CHN2: variants seen among roughly 807,000 people sequenced by gnomAD.
The protein encoded by CHN2 is chimerin 2.
CHN2 carries 35 observed loss-of-function variants against 56.3 expected under a neutral mutation model. The ratio of observed to expected loss-of-function variants is 0.62; its 90% CI spans 0.47 to 0.82. The LOEUF (loss-of-function observed/expected upper bound fraction) is 0.82. Ranked by LOEUF, CHN2 falls within the 40% of genes least tolerant of loss-of-function variation. The pLI is 0.00. For missense variants in CHN2, 491 were observed against 580.5 expected (o/e 0.85, Z 1.58); for synonymous variants, 210 against 212.8 (o/e 0.99, Z 0.12).
chr7:29,290,040 A>G (rs1308853085), intron 1 of CHN2, among the ~76,000 whole-genome samples: 1 of 152,222 alleles, frequency 6.6e-6, no homozygotes, highest in Non-Finnish European at 1.5e-5. Flanking sequence ...TTGAAGTTCA[A>G]GGTATTAGAA....
At chr7:29,454,894 AT>A (rs1371345033) in intron 6 of CHN2, among the ~76,000 whole-genome samples, 2 of 152,306 alleles carry the variant, frequency 1.3e-5, no homozygotes, top group East Asian at 3.9e-4. Flanking sequence ...ACCTTAGTGC[AT>A]TTTTTAACTA....
chr7:29,181,113 G>A (rs1798011139), intron 2 of CHN2, among the ~76,000 whole-genome samples: 1 of 152,184 alleles, frequency 6.6e-6, no homozygotes, highest in Non-Finnish European at 1.5e-5. Context: ...GGGAATTTGT[G>A]TTTTAAAATA....
At chr7:29,511,026 CTG>C (rs1562680370) in intron 12 of CHN2, among the ~76,000 whole-genome samples, 2 of 152,170 alleles carry the variant, frequency 1.3e-5, no homozygotes, top group African/African-American at 4.8e-5. Context: ...CAGGGCACAT[CTG>C]TGTGCCTCTG....
chr7:29,352,454 G>A (rs1199008678), intron 1 of CHN2, among the ~76,000 whole-genome samples: 1 of 152,112 alleles, frequency 6.6e-6, no homozygotes, highest in Non-Finnish European at 1.5e-5. Context: ...GGGCACGGTG[G>A]CTCATGCCTG....
intron 2 of CHN2, among the ~76,000 whole-genome samples, chr7:29,151,790 A>G (rs940333379): frequency 2.6e-5 from 4 of 152,072 alleles, no homozygotes; most frequent in Non-Finnish European, 4.4e-5. Context: ...TAGCCTTCTC[A>G]TGTATGGGAA....
chr7:29,172,435 T>C (rs10486608), intron 2 of CHN2, among the ~76,000 whole-genome samples: 18,305 of 152,184 alleles, frequency 0.12, 1,256 homozygotes, highest in East Asian at 0.24. Context: ...CTCTGTCTCA[T>C]CTATCATCAT....
intron 5 of CHN2, among the ~76,000 whole-genome samples, chr7:29,399,179 A>G (rs1802005046): frequency 6.6e-6 from 1 of 152,144 alleles, no homozygotes; most frequent in Admixed American, 6.5e-5. Context: ...CTGGAGAACC[A>G]TCTGGAAAGT....
At chr7:29,285,341 G>A (rs573917072) in intron 1 of CHN2, among the ~76,000 whole-genome samples, 1 of 152,284 alleles carries the variant, frequency 6.6e-6, no homozygotes, top group African/African-American at 2.4e-5. Context: ...CACGTTTCAT[G>A]GAAGCCTTCT....
chr7:29,344,169 A>G (rs1401548382), intron 1 of CHN2, among the ~76,000 whole-genome samples: 1 of 152,018 alleles, frequency 6.6e-6, no homozygotes, highest in Non-Finnish European at 1.5e-5. Context: ...CTCCACTGCC[A>G]CCATTCAAGT....
At chr7:29,236,554 C>T (rs1356130177) in intron 1 of CHN2, among the ~76,000 whole-genome samples, 2 of 152,182 alleles carry the variant, frequency 1.3e-5, no homozygotes, top group Non-Finnish European at 2.9e-5. Context: ...AGCCTGGACC[C>T]TAGAAGACCT....
At chr7:29,155,258 A>G (rs746521000) in intron 2 of CHN2, among the ~76,000 whole-genome samples, 1 of 152,246 alleles carries the variant, frequency 6.6e-6, no homozygotes, top group African/African-American at 2.4e-5. Flanking sequence ...GCACCATTTC[A>G]GGGAAAACAA....
chr7:29,252,590 T>TGTTTTGTTTTG lies in CHN2; in HGVS notation c.49+57600_49+57601insGTTTTGTTTTG, dbSNP rs1554378158. Among the ~76,000 whole-genome samples the TGTTTTGTTTTG allele has an allele frequency of 1.9e-3, 61 of 31,914 alleles. 1 individual carries two copies. Among genetic ancestry groups the TGTTTTGTTTTG allele is most frequent in the East Asian group, 7.7e-3 (9 of 1,168 alleles). The allele number at this position is 31,914 out of a possible 152,430, so 20.9% of individuals were successfully genotyped here. On this transcript the variant is annotated intron_variant, in intron 1 of 12. Transcript: ENST00000222792. ...AATTGCATTCTTTGTTTTTTTTTTT[T>TGTTTTGTTTTG]TTTTTTTTTTTTTTTTGAGACGGAG...
At position 29,194,958 on chromosome 7, in the gene CHN2, A is replaced by G; in HGVS notation, c.17A>G (p.Asn6Ser). The G allele has an allele frequency of 1.3e-6, 2 of 1,582,978 alleles. No individual in the cohort carries two copies. The highest frequency in any genetic ancestry group is 1.7e-4 in the Middle Eastern group (1 of 5,794). Residue 6 changes from asparagine (N) to serine (S), a missense_variant, in exon 1 of 13, where the codon AAC becomes AGC. By Grantham distance (46) the Asn-to-Ser change is conservative (BLOSUM62 1). Transcript: ENST00000222792. ...CGCGCGGAGATGGCAGCGTCCAGCA[A>G]CTCCAGCCTGTCCGGCTCGTCGGTG... Reference protein sequence around the residue: MAASSNSSLSGSSVSS... With the variant: MAASSSSSLSGSSVSS...
At chr7:29,509,989 A>G (rs1791113001) in intron 12 of CHN2, among the ~76,000 whole-genome samples, 2 of 151,976 alleles carry the variant, frequency 1.3e-5, no homozygotes, top group African/African-American at 2.4e-5. Flanking sequence ...GCCTTTAACT[A>G]CTCTGCCTCC....
rs371059800 is a variant in CHN2 at position 29,403,776 on chromosome 7, G to A, written c.576+2948G>A. Among the ~76,000 whole-genome samples, 16 of 152,178 alleles carry A rather than the reference G, an allele frequency of 1.1e-4. No individual in the cohort carries two copies. In the East Asian group the frequency reaches 1.5e-3, roughly 15 times the overall value. ...TTATGATGTATGTGGGCCACCATTC[G>A]GTGCATCTAATTAAAATGGTCACAT... On this transcript the variant is annotated intron_variant, in intron 6 of 12. Transcript: ENST00000222792.
At chr7:29,150,405 A>G (rs1283872228) in intron 2 of CHN2, among the ~76,000 whole-genome samples, 2 of 152,232 alleles carry the variant, frequency 1.3e-5, no homozygotes, top group Admixed American at 6.5e-5. Flanking sequence ...GACAATCAAG[A>G]TTCTAGGCTG....
At chr7:29,174,896 G>C (rs2128731187) in intron 2 of CHN2, among the ~76,000 whole-genome samples, 1 of 150,794 alleles carries the variant, frequency 6.6e-6, no homozygotes, top group East Asian at 1.9e-4. Flanking sequence ...GAGAGATACA[G>C]GAACAAGAAG....
Position 29,230,088 on chromosome 7 carries a change from G to A in CHN2, c.49+35098G>A, listed in dbSNP as rs75366155. ...ACTACCCTAGCAGAGATGAATACTT[G>A]TGATAGTGACTGTGTGGCCTGGAAA... On this transcript the variant is annotated intron_variant, in intron 1 of 12. Transcript: ENST00000222792. 8.0e-3 allele frequency among the ~76,000 whole-genome samples: 1,220 copies of A among 152,312 alleles called. 15 individuals carry two copies. The highest frequency in any genetic ancestry group is 0.027 in the African/African-American group (1,124 of 41,560).
At chr7:29,161,221 G>A (rs1795135650) in intron 2 of CHN2, among the ~76,000 whole-genome samples, 1 of 152,110 alleles carries the variant, frequency 6.6e-6, no homozygotes, top group African/African-American at 2.4e-5. Context: ...GCACATGAGG[G>A]TTTGTGCAGG....
Sources: gnomAD v4.1 joint callset for allele counts (sites outside exome capture counted in the v4.1 genomes callset) on GRCh38, gnomAD v4.1.1 for gene constraint, MANE v1.5 for transcripts, NCBI Gene and HGNC (gene_info 2026-07-23, HGNC 2026-07-21) for gene names.